Variants in DNAH6 observed in about 807,000 individuals in gnomAD.
The protein encoded by DNAH6 is dynein axonemal heavy chain 6.
DNAH6 carries 340 observed loss-of-function variants against 491.4 expected under a neutral mutation model. That is an observed-to-expected ratio of 0.69 (90% CI 0.63 to 0.76). The LOEUF is 0.76. DNAH6 is among the 30% of genes least tolerant of loss of function. The pLI, the probability that DNAH6 is intolerant of heterozygous loss-of-function variation, is 0.00. For synonymous variants in DNAH6, 1,603 were observed against 1,686.1 expected, an observed-to-expected ratio of 0.95 and a Z score of 1.21; for missense variants, 4,443 against 4,972.2, an observed-to-expected ratio of 0.89 and a Z score of 3.20.
chr2:84,517,420 C>T (rs76595372), intron 1 of DNAH6, among the ~76,000 whole-genome samples: 1 of 152,214 alleles, frequency 6.6e-6, no homozygotes, highest in African/African-American at 2.4e-5. Flanking sequence ...TTTCAGACTG[C>T]GTGTACTAGA....
chr2:84,634,072 C>T (rs1409416278), intron 29 of DNAH6, among the ~76,000 whole-genome samples: 1 of 152,210 alleles, frequency 6.6e-6, no homozygotes, highest in East Asian at 1.9e-4. Context: ...ATCTGCACAG[C>T]TATGCCTTCT....
chr2:84,638,976 A>G (rs1689127205), intron 31 of DNAH6, among the ~76,000 whole-genome samples: 1 of 152,126 alleles, frequency 6.6e-6, no homozygotes, highest in African/African-American at 2.4e-5. Flanking sequence ...AGCAGCACCA[A>G]GCCATGAGGG....
rs6745487 is a variant in DNAH6 at position 84,582,598 on chromosome 2, T to C, written c.2230-1401T>C. 2.3e-3 allele frequency among the ~76,000 whole-genome samples: 357 copies of C among 152,300 alleles called. 5 individuals carry two copies. The highest frequency in any genetic ancestry group is 8.2e-3 in the African/African-American group (339 of 41,574). On this transcript the variant is annotated intron_variant, in intron 14 of 76. Coordinates refer to ENST00000389394, the MANE Select transcript of DNAH6 (RefSeq NM_001370.2). ...TCCTGAGTAGCTGGGACTACAGGCATCCGCCACTGCGCCCAGCTAATTTTT... is the reference window on the plus strand; with the variant it reads ...TCCTGAGTAGCTGGGACTACAGGCACCCGCCACTGCGCCCAGCTAATTTTT...
chr2:84,756,768 C>T (rs1053302080), intron 63 of DNAH6, among the ~76,000 whole-genome samples: 1 of 152,146 alleles, frequency 6.6e-6, no homozygotes, highest in Admixed American at 6.6e-5. Context: ...AAAAGTATTC[C>T]TCTGAAGCCA....
intron 62 of DNAH6, among the ~76,000 whole-genome samples, chr2:84,735,052 C>G (rs571721613): frequency 2.6e-5 from 4 of 152,302 alleles, no homozygotes; most frequent in South Asian, 2.1e-4. Context: ...CTGCCTCCCT[C>G]CATCTGCTCT....
chr2:84,541,933 C>A (rs977386439), intron 4 of DNAH6, among the ~76,000 whole-genome samples: 21 of 152,168 alleles, frequency 1.4e-4, no homozygotes, highest in African/African-American at 5.1e-4. Flanking sequence ...ATAAGCACCC[C>A]GGATGATTTT....
At chr2:84,538,603 C>T (rs1057064972) in intron 4 of DNAH6, among the ~76,000 whole-genome samples, 2 of 152,060 alleles carry the variant, frequency 1.3e-5, no homozygotes, top group Admixed American at 1.3e-4. Flanking sequence ...CTAAATGATT[C>T]TCATTGATAG....
At chr2:84,804,803 T>G (rs1162249267) in intron 70 of DNAH6, among the ~76,000 whole-genome samples, 1 of 152,138 alleles carries the variant, frequency 6.6e-6, no homozygotes, top group Non-Finnish European at 1.5e-5. Flanking sequence ...TTAAGTACAT[T>G]TATTTATTTA....
intron 33 of DNAH6, among the ~76,000 whole-genome samples, chr2:84,642,456 G>A (rs773338992): frequency 5.9e-5 from 9 of 152,044 alleles, no homozygotes; most frequent in Non-Finnish European, 1.2e-4. Flanking sequence ...AAAGAAAATA[G>A]TTTCATAAAT....
chr2:84,752,784 T>C (rs75394965), intron 63 of DNAH6, among the ~76,000 whole-genome samples: 5,651 of 152,294 alleles, frequency 0.037, 123 homozygotes, highest in Middle Eastern at 0.095. Context: ...ATTGCGTGGA[T>C]ATGCCACATT....
rs182911134 is a variant in DNAH6, at chr2:84,720,642, C to T, written c.9793-1983C>T. The stretch of plus-strand genomic sequence containing the variant: ...ATTATTTTTATAAATCGGGTGAGTT[C>T]GTGGCTATCCACTTTTGCCAGTGTA... On this transcript the variant is annotated intron_variant, in intron 59 of 76. Coordinates refer to ENST00000389394, the MANE Select transcript of DNAH6 (RefSeq NM_001370.2). Among the ~76,000 whole-genome samples, 12 of 152,208 alleles carry T rather than the reference C, an allele frequency of 7.9e-5. No homozygotes were observed. The East Asian group carries it at 2.3e-3, about 29-fold the overall frequency.
intron 37 of DNAH6, among the ~76,000 whole-genome samples, chr2:84,666,511 A>C (rs1456786841): frequency 2.0e-5 from 3 of 152,164 alleles, no homozygotes; most frequent in Non-Finnish European, 2.9e-5. Context: ...AATTGCTTCA[A>C]AGAGAATAAA....
intron 69 of DNAH6, among the ~76,000 whole-genome samples, chr2:84,797,133 G>A (rs1396337965): frequency 6.6e-6 from 1 of 152,142 alleles, no homozygotes; most frequent in East Asian, 1.9e-4. Flanking sequence ...CTTTTAGTTT[G>A]GGCAATTAGA....
intron 76 of DNAH6, among the ~76,000 whole-genome samples, chr2:84,818,509 A>G (rs1181667685): frequency 6.7e-6 from 1 of 150,206 alleles, no homozygotes; most frequent in African/African-American, 2.5e-5. Context: ...AAAAAAAAAA[A>G]AAAAGGGAAA....
chr2:84,562,032 C>T (rs902478840), intron 11 of DNAH6, among the ~76,000 whole-genome samples: 25 of 151,668 alleles, frequency 1.6e-4, no homozygotes, highest in African/African-American at 5.8e-4. Flanking sequence ...GAATAGGAAA[C>T]TAGTATATAA....
intron 50 of DNAH6, among the ~76,000 whole-genome samples, chr2:84,703,861 G>A (rs1365787158): frequency 6.6e-6 from 1 of 152,126 alleles, no homozygotes; most frequent in Non-Finnish European, 1.5e-5. Context: ...TCCTAAGATG[G>A]AACTGTTTGT....
At chr2:84,560,721 G>C (rs1190219828) in intron 11 of DNAH6, among the ~76,000 whole-genome samples, 2 of 151,680 alleles carry the variant, frequency 1.3e-5, no homozygotes, top group African/African-American at 4.8e-5. Flanking sequence ...TTGGTTTTTT[G>C]TCCTTGTGAT....
chr2:84,786,604 A>G (rs1677228612), intron 67 of DNAH6, among the ~76,000 whole-genome samples: 2 of 152,166 alleles, frequency 1.3e-5, no homozygotes, highest in Non-Finnish European at 2.9e-5. Context: ...ATCAAGAGCT[A>G]GGAACTTGGA....
chr2:84,746,325 TA>T (rs1395051654), intron 63 of DNAH6, among the ~76,000 whole-genome samples: 2 of 151,866 alleles, frequency 1.3e-5, no homozygotes, highest in African/African-American at 2.4e-5. Flanking sequence ...CACCAACTTT[TA>T]AAAGGCAGAG....
Sources: allele counts gnomAD v4.1 joint callset (sites outside exome capture counted in the v4.1 genomes callset), GRCh38; gene constraint gnomAD v4.1.1; transcripts MANE v1.5; gene names NCBI Gene and HGNC (gene_info 2026-07-23, HGNC 2026-07-21).